The following SUSD5 variants were observed in gnomAD, a reference collection of about 807,000 sequenced individuals.
SUSD5 encodes the protein sushi domain-containing protein 5.
SUSD5 carries 33 observed loss-of-function variants against 29.5 expected under a neutral mutation model. The observed-to-expected ratio is 1.12, with a 90% CI of 0.85 to 1.49. SUSD5 has a LOEUF of 1.49. Among genes scored for constraint, SUSD5 ranks in the 40% most tolerant of loss-of-function variants. The probability of loss-of-function intolerance (pLI) is 0.00; values close to 1 mark genes in which losing one functional copy is unlikely to be tolerated. For missense variants in SUSD5, 776 were observed against 800.6 expected, an observed-to-expected ratio of 0.97 and a Z score of 0.37; for synonymous variants, 308 against 325.3, an observed-to-expected ratio of 0.95 and a Z score of 0.57.
At chr3:33,191,655 C>T (rs2031893670) in intron 3 of SUSD5, among the ~76,000 whole-genome samples, 1 of 152,088 alleles carries the variant, frequency 6.6e-6, no homozygotes, top group Non-Finnish European at 1.5e-5. Flanking sequence ...AGAATTTACA[C>T]TCAGGCTGGC....
Position 33,153,359 on chromosome 3 carries a change from G to A in SUSD5, c.1273C>T (p.Leu425Phe). The A allele has an allele frequency of 6.2e-7, 1 of 1,613,868 alleles. No homozygotes were observed. Among genetic ancestry groups the A allele is most frequent in the Non-Finnish European group, 8.5e-7 (1 of 1,179,830 alleles). ...VEVKKPKSSTLTPSEGMTHSS... is the reference protein window; with the variant it reads ...VEVKKPKSSTFTPSEGMTHSS... The stretch of plus-strand genomic sequence containing the variant: ...TGGGTCATGCCCTCGCTTGGTGTGA[G>A]GGTGCTACTCTTGGGCTTCTTAACT... The change falls in exon 5 of 5, where the codon CTC becomes TTC. Residue 425 changes from leucine to phenylalanine, a missense_variant. Transcript: ENST00000309558.
intron 3 of SUSD5, among the ~76,000 whole-genome samples, chr3:33,179,012 C>T (rs35971111): frequency 0.091 from 13,764 of 152,078 alleles, 740 homozygotes; most frequent in East Asian, 0.18. Context: ...AGAGAATTGG[C>T]ATAATGTCTG....
chr3:33,168,441 G>T (rs1181508792), intron 4 of SUSD5: 1 of 862,906 alleles, frequency 1.2e-6, no homozygotes. Context: ...TCTAAAAGAT[G>T]GAGAAAAACA....
chr3:33,169,389 TTTTGTATATTTAGTAG>T (rs1293429786), intron 4 of SUSD5, among the ~76,000 whole-genome samples: 1 of 152,064 alleles, frequency 6.6e-6, no homozygotes, highest in Non-Finnish European at 1.5e-5. Context: ...CCCGGCTAAG[TTTTGTATATTTAGTAG>T]CGACGGGGTT....
At chr3:33,174,366 G>T (rs2031499716) in intron 4 of SUSD5, among the ~76,000 whole-genome samples, 1 of 152,154 alleles carries the variant, frequency 6.6e-6, no homozygotes, top group South Asian at 2.1e-4. Flanking sequence ...TGCCCCATAA[G>T]AGTCTGAATG....
chr3:33,177,142 T>G (rs1206490283), intron 3 of SUSD5, among the ~76,000 whole-genome samples: 1 of 152,236 alleles, frequency 6.6e-6, no homozygotes, highest in Non-Finnish European at 1.5e-5. Flanking sequence ...GGTTGCAAAT[T>G]TTTTTGTGTC....
chr3:33,216,674 G>A (rs1178016253), intron 1 of SUSD5, among the ~76,000 whole-genome samples: 1 of 152,062 alleles, frequency 6.6e-6, no homozygotes, highest in Non-Finnish European at 1.5e-5. Context: ...CAGATGACAC[G>A]TTTTTAGAAA....
chr3:33,199,327 G>A (rs2032061496), intron 3 of SUSD5, among the ~76,000 whole-genome samples: 1 of 152,144 alleles, frequency 6.6e-6, no homozygotes, highest in South Asian at 2.1e-4. Flanking sequence ...AGGCTGGAGT[G>A]CAGTGGCACA....
chr3:33,176,939 ATC>A (rs2031562953), intron 3 of SUSD5, among the ~76,000 whole-genome samples: 1 of 152,184 alleles, frequency 6.6e-6, no homozygotes, highest in South Asian at 2.1e-4. Context: ...CTCTACTCTG[ATC>A]CATTGATATT....
chr3:33,184,183 G>C (rs2031734702), intron 3 of SUSD5, among the ~76,000 whole-genome samples: 1 of 151,614 alleles, frequency 6.6e-6, no homozygotes, highest in Non-Finnish European at 1.5e-5. Flanking sequence ...TAGGTGATCT[G>C]CCTGCCTCAG....
At chr3:33,169,582 A>G (rs2031379692) in intron 4 of SUSD5, among the ~76,000 whole-genome samples, 1 of 152,214 alleles carries the variant, frequency 6.6e-6, no homozygotes, top group Non-Finnish European at 1.5e-5. Context: ...AGAGTTGTTG[A>G]AAAAGCAGGC....
chr3:33,202,968 A>T (rs147032159), intron 3 of SUSD5, among the ~76,000 whole-genome samples: 223 of 152,284 alleles, frequency 1.5e-3, no homozygotes, highest in African/African-American at 5.2e-3. Flanking sequence ...GTCTTGCCAA[A>T]GAGAAGCAGC....
At chr3:33,197,240 G>A (rs2032012911) in intron 3 of SUSD5, among the ~76,000 whole-genome samples, 1 of 152,134 alleles carries the variant, frequency 6.6e-6, no homozygotes, top group Non-Finnish European at 1.5e-5. Context: ...GGTCTCATCT[G>A]CACCTCCCAG....
intron 3 of SUSD5, among the ~76,000 whole-genome samples, chr3:33,188,367 C>T (rs1055455366): frequency 2.6e-5 from 4 of 152,104 alleles, no homozygotes; most frequent in Non-Finnish European, 5.9e-5. Flanking sequence ...GTCTTTAGGG[C>T]CCCCTGCTAG....
chr3:33,152,476 G>T lies in SUSD5; in HGVS notation c.*266C>A, dbSNP rs995444784. 2 of 430,866 alleles carry T rather than the reference G, an allele frequency of 4.6e-6. No homozygotes were observed. The highest frequency in any genetic ancestry group is 8.0e-5 in the Admixed American group (2 of 25,072). 26.7% of individuals were successfully genotyped at this position (430,866 alleles called of 1,614,324 possible). A position where few individuals can be genotyped will look rare whatever the true frequency, so the allele number is the denominator to read the frequency against. ...AGAGGCGATTTTTGACCTCACACTGGAAACAGGGCCCAAGCACAGGTCTGG... is the reference window on the plus strand; with the variant it reads ...AGAGGCGATTTTTGACCTCACACTGTAAACAGGGCCCAAGCACAGGTCTGG... On this transcript the variant is annotated 3_prime_UTR_variant, in exon 5 of 5. Coordinates refer to ENST00000309558, the MANE Select transcript of SUSD5 (RefSeq NM_015551.2).
intron 1 of SUSD5, among the ~76,000 whole-genome samples, chr3:33,218,178 G>T (rs1042507518): frequency 6.6e-6 from 1 of 152,090 alleles, no homozygotes; most frequent in African/African-American, 2.4e-5. Context: ...GCCTTTGCAC[G>T]TGCTTTTCCC....
chr3:33,186,552 G>T (rs1440317023), intron 3 of SUSD5, among the ~76,000 whole-genome samples: 1 of 151,192 alleles, frequency 6.6e-6, no homozygotes, highest in Non-Finnish European at 1.5e-5. Context: ...TCAGCCTCCT[G>T]AGCAGCTGGG....
intron 3 of SUSD5, among the ~76,000 whole-genome samples, chr3:33,183,587 C>G (rs1016149376): frequency 6.6e-6 from 1 of 152,134 alleles, no homozygotes; most frequent in African/African-American, 2.4e-5. Context: ...ATTCAGTTCA[C>G]TATTGAATTG....
rs781742534 is a variant in SUSD5 at position 33,153,850 on chromosome 3, G to C, written c.782C>G (p.Ala261Gly). 5.0e-6 allele frequency: 8 copies of C among 1,613,818 alleles called. No individual in the cohort carries two copies. In the African/African-American group the frequency reaches 9.3e-5, roughly 19 times the overall value. ...GGTTGGCACAAAGACTTTATCCCGG[G>C]CTATGTTTTCTCTCCCCACAGAAAT... ...VSISVGRENI[A>G]RDKVFVPTTG... The change falls in exon 5 of 5, where the codon GCC becomes GGC. Residue 261 changes from alanine to glycine, a missense_variant. By Grantham distance (60) the Ala-to-Gly change is moderately conservative. Coordinates refer to ENST00000309558, the MANE Select transcript of SUSD5 (RefSeq NM_015551.2).
Sources: gnomAD v4.1 joint callset for allele counts (sites outside exome capture counted in the v4.1 genomes callset) on GRCh38, gnomAD v4.1.1 for gene constraint, MANE v1.5 for transcripts, NCBI Gene and HGNC (gene_info 2026-07-23, HGNC 2026-07-21) for gene names.